EFCAB5: variants seen among roughly 807,000 people sequenced by gnomAD.
The protein encoded by EFCAB5 is EF-hand calcium binding domain 5.
Under a neutral mutation model 167.9 loss-of-function variants are expected in EFCAB5, and 131 were observed. That is an observed-to-expected ratio of 0.78 (90% CI 0.68 to 0.90). EFCAB5 has a LOEUF of 0.90. Among genes scored for constraint, EFCAB5 ranks in the 40% least tolerant of loss-of-function variants. EFCAB5 has a pLI of 0.00. For missense variants in EFCAB5, 1,663 were observed against 1,745.2 expected (o/e 0.95, Z 0.84); for synonymous variants, 574 against 602.8 (o/e 0.95, Z 0.70).
At chr17:29,951,589 T>C (rs2067513159) in intron 3 of EFCAB5, among the ~76,000 whole-genome samples, 2 of 151,954 alleles carry the variant, frequency 1.3e-5, no homozygotes, top group South Asian at 2.1e-4. Flanking sequence ...TCTCCTGACC[T>C]TGTGATCTGC....
At chr17:30,061,121 A>G (rs1369505565) in intron 14 of EFCAB5, among the ~76,000 whole-genome samples, 1 of 152,248 alleles carries the variant, frequency 6.6e-6, no homozygotes, top group African/African-American at 2.4e-5. Flanking sequence ...TGAAGGATTA[A>G]GCCCAGCAAA....
At chr17:29,974,859 T>G (rs2068032964) in intron 4 of EFCAB5, among the ~76,000 whole-genome samples, 1 of 151,992 alleles carries the variant, frequency 6.6e-6, no homozygotes, top group South Asian at 2.1e-4. Flanking sequence ...TCATATAATC[T>G]TCACATGGCA....
chr17:30,081,235 T>C (rs1023514666), intron 17 of EFCAB5, among the ~76,000 whole-genome samples: 2 of 152,174 alleles, frequency 1.3e-5, no homozygotes, highest in Admixed American at 6.5e-5. Context: ...AGGAATAGAA[T>C]TTTATGCTAC....
Position 29,970,569 on chromosome 17 carries a change from G to A in EFCAB5, c.767+1202G>A, listed in dbSNP as rs1388846336. On this transcript the variant is annotated intron_variant, in intron 4 of 22. Transcript: ENST00000394835. ...TTAGAAAACCAACATCTTCAAGGCTGCAATTAGCCAAAATTACACCACTGC... is the reference window on the plus strand; with the variant it reads ...TTAGAAAACCAACATCTTCAAGGCTACAATTAGCCAAAATTACACCACTGC... Among the ~76,000 whole-genome samples the A allele has an allele frequency of 2.0e-5, 3 of 150,800 alleles. No individual in the cohort carries two copies. The East Asian group carries it at 5.8e-4, about 29-fold the overall frequency.
chr17:30,102,082 G>A (rs1014285288), intron 22 of EFCAB5, among the ~76,000 whole-genome samples: 1 of 152,176 alleles, frequency 6.6e-6, no homozygotes, highest in Non-Finnish European at 1.5e-5. Context: ...CAAGAGGACA[G>A]AGAACATGGG....
At chr17:30,099,191 A>G (rs2071346672) in intron 22 of EFCAB5, among the ~76,000 whole-genome samples, 1 of 152,176 alleles carries the variant, frequency 6.6e-6, no homozygotes, top group South Asian at 2.1e-4. Context: ...TGGTAACTCT[A>G]TGTTTAACTT....
chr17:30,043,036 G>C (rs2069818003), intron 8 of EFCAB5, among the ~76,000 whole-genome samples: 1 of 152,080 alleles, frequency 6.6e-6, no homozygotes, highest in Non-Finnish European at 1.5e-5. Context: ...TCCAAGCTAA[G>C]GAGGAGATTG....
chr17:30,069,421 A>G (rs2070668905), intron 14 of EFCAB5: 2 of 1,536,946 alleles, frequency 1.3e-6, no homozygotes, highest in Admixed American at 1.7e-5. Flanking sequence ...AGATTTCCAG[A>G]CTTCAAGAGA....
Position 29,965,674 on chromosome 17 carries a change from C to T in EFCAB5, c.191-3117C>T, listed in dbSNP as rs568776745. On this transcript the variant is annotated intron_variant, in intron 3 of 22. Coordinates refer to ENST00000394835, the MANE Select transcript of EFCAB5 (RefSeq NM_198529.4). The stretch of plus-strand genomic sequence containing the variant: ...TTTTTCCATGAAATTGTTTTGGTAC[C>T]GTTGTCAAAAATCAATTGGTTTCAG... 5.9e-5 allele frequency among the ~76,000 whole-genome samples: 9 copies of T among 152,114 alleles called. No individual in the cohort carries two copies. In the South Asian group the frequency reaches 1.0e-3, roughly 18 times the overall value.
chr17:30,036,776 A>G (rs925493876), intron 8 of EFCAB5, among the ~76,000 whole-genome samples: 45 of 152,186 alleles, frequency 3.0e-4, no homozygotes, highest in African/African-American at 8.2e-4. Flanking sequence ...CTAAAAGCCC[A>G]GACTTTAAAT....
intron 8 of EFCAB5, among the ~76,000 whole-genome samples, chr17:30,042,917 A>G (rs1018971629): frequency 1.3e-5 from 2 of 152,196 alleles, no homozygotes; most frequent in Non-Finnish European, 2.9e-5. Context: ...TTGGTTAAGC[A>G]GTACATTAAA....
chr17:30,079,978 G>A (rs2070950098), intron 15 of EFCAB5, 94 bp from the exon 16 acceptor site: 1 of 1,426,352 alleles, frequency 7.0e-7, no homozygotes, highest in African/African-American at 1.4e-5. Context: ...TGAAACTACT[G>A]GGGCAAGATG....
chr17:29,972,839 AG>A, intron 4 of EFCAB5: 1 of 212,324 alleles, frequency 4.7e-6, no homozygotes, highest in Admixed American at 4.3e-5. Context: ...TGGTCTGGGA[AG>A]GGTACAATGT....
intron 8 of EFCAB5, among the ~76,000 whole-genome samples, chr17:30,040,650 G>A (rs897626640): frequency 6.6e-6 from 1 of 152,102 alleles, no homozygotes; most frequent in Non-Finnish European, 1.5e-5. Flanking sequence ...AGTTTGAAGA[G>A]GAAACTATAA....
At chr17:29,940,588 AG>A (rs1486130054), upstream of EFCAB5, among the ~76,000 whole-genome samples, 4 of 152,192 alleles carry the variant, frequency 2.6e-5, no homozygotes, top group African/African-American at 9.7e-5. Context: ...GAGAATATAC[AG>A]TTGGGAGCTA....
intron 7 of EFCAB5, among the ~76,000 whole-genome samples, chr17:30,007,593 A>T (rs542525160): frequency 2.6e-5 from 4 of 152,170 alleles, no homozygotes; most frequent in African/African-American, 9.7e-5. Flanking sequence ...AACTTTTCCT[A>T]TTCTTCTGTG....
chr17:30,098,532 C>G (rs955132544), intron 22 of EFCAB5, among the ~76,000 whole-genome samples: 1 of 143,634 alleles, frequency 7.0e-6, no homozygotes, highest in Non-Finnish European at 1.5e-5. Flanking sequence ...ACCCTGTCTA[C>G]AGAGAAAAAA....
chr17:30,030,362 C>T (rs866741809), intron 7 of EFCAB5, among the ~76,000 whole-genome samples: 5 of 152,240 alleles, frequency 3.3e-5, no homozygotes, highest in South Asian at 4.1e-4. Flanking sequence ...TGTTTTGAGA[C>T]GGAGTCTCGC....
At chr17:30,022,699 G>A (rs1326517353) in intron 7 of EFCAB5, among the ~76,000 whole-genome samples, 4 of 152,178 alleles carry the variant, frequency 2.6e-5, no homozygotes, top group African/African-American at 9.7e-5. Context: ...TTAAAAGGTA[G>A]AATATACTGG....
Sources: gnomAD v4.1 joint callset for allele counts (sites outside exome capture counted in the v4.1 genomes callset) on GRCh38, gnomAD v4.1.1 for gene constraint, MANE v1.5 for transcripts, NCBI Gene and HGNC (gene_info 2026-07-23, HGNC 2026-07-21) for gene names.